C16orf96: variants seen among roughly 807,000 people sequenced by gnomAD.
C16orf96 encodes the protein uncharacterized protein C16orf96.
A neutral mutation model predicts 103.6 loss-of-function variants in C16orf96; 108 were observed. The ratio of observed to expected loss-of-function variants is 1.04; its 90% CI spans 0.89 to 1.22. The LOEUF (loss-of-function observed/expected upper bound fraction) is 1.22. C16orf96 is among the 50% of genes most tolerant of loss of function. The probability of loss-of-function intolerance (pLI) is 0.00; values close to 1 mark genes in which losing one functional copy is unlikely to be tolerated. For missense variants in C16orf96, 1,586 were observed against 1,464.2 expected (o/e 1.08, Z -1.36); for synonymous variants, 566 against 593.5 (o/e 0.95, Z 0.67).
In C16orf96 at chr16:4,593,358, G is replaced by A. The variant is rs1211956938; in HGVS notation, c.2867+42G>A. 2.0e-6 allele frequency: 3 copies of A among 1,518,980 alleles called. No individual in the cohort carries two copies. In the African/African-American group the frequency reaches 4.1e-5, roughly 21 times the overall value. The allele number at this position is 1,518,980 out of a possible 1,614,324, so 94.1% of individuals were successfully genotyped here. A position where few individuals can be genotyped will look rare whatever the true frequency, so the allele number is the denominator to read the frequency against. ...CCCCGCAGGGAGGCCGCCCCGCATG[G>A]AGGCCACTCTGGAGCCTGGGAACCC... On this transcript the variant is annotated intron_variant, in intron 12 of 15. Transcript: ENST00000444310. The surrounding 1 kb of genome is among the most constrained non-coding windows in gnomAD (Gnocchi z 4.2).
chr16:4,556,339 C>A, upstream of C16orf96: 1 of 732,914 alleles, frequency 1.4e-6, no homozygotes, highest in South Asian at 2.3e-5. Context: ...GAGCTCCAGC[C>A]AGAACAGAGG....
chr16:4,575,216 C>T lies in C16orf96; in HGVS notation c.736C>T (p.Gln246Ter). The T allele has an allele frequency of 6.5e-7, 1 of 1,547,488 alleles. No homozygotes were observed. The highest frequency in any genetic ancestry group is 1.4e-5 in the African/African-American group (1 of 73,174). The change falls in exon 5 of 16, where the codon CAG (glutamine) becomes TAG (stop). Residue 246 changes from glutamine (Q) to a stop codon, truncating the protein, a stop_gained. Coordinates refer to ENST00000444310, the MANE Select transcript of C16orf96 (RefSeq NM_001145011.2). LOFTEE classifies it high-confidence loss of function. ...SPLDLWQSVE[Q>*]LPEAALAQTT... ...ACTGGACCTGTGGCAGTCTGTAGAG[C>T]AGCTCCCAGAGGCTGCCCTGGCCCA...
upstream of C16orf96, among the ~76,000 whole-genome samples, chr16:4,553,581 G>C (rs1344208316): frequency 2.6e-5 from 4 of 152,048 alleles, no homozygotes. Flanking sequence ...GGGCTCAAGC[G>C]ATCTGCCTGC....
Position 4,591,759 on chromosome 16 carries a change from C to T in C16orf96, c.2686C>T (p.Pro896Ser). The stretch of plus-strand genomic sequence containing the variant: ...GCTGATTGAGGGCTTAAGACTGGAT[C>T]CTGACAGTGCTGCTGGCTTTAGGAG... Reference protein sequence around the residue: ...KLLIEGLRLDPDSAAGFRRKL... With the variant: ...KLLIEGLRLDSDSAAGFRRKL... The change falls in exon 10 of 16, where the codon CCT (proline) becomes TCT (serine). Residue 896 changes from proline to serine, a missense_variant. Pro to Ser is a moderately conservative substitution (Grantham distance 74, BLOSUM62 -1). Coordinates refer to ENST00000444310, the MANE Select transcript of C16orf96 (RefSeq NM_001145011.2). The T allele has an allele frequency of 5.2e-6, 8 of 1,551,640 alleles. No individual in the cohort carries two copies. The highest frequency in any genetic ancestry group is 7.0e-6 in the Non-Finnish European group (8 of 1,146,980).
Position 4,575,918 on chromosome 16 carries a change from A to C in C16orf96, c.1438A>C (p.Lys480Gln), listed in dbSNP as rs540009621. 37 of 1,551,378 alleles carry C rather than the reference A, an allele frequency of 2.4e-5. No individual in the cohort carries two copies. Among genetic ancestry groups the C allele is most frequent in the Admixed American group, 7.8e-5 (4 of 50,964 alleles). The part of the protein sequence containing the change: ...RERARKDGAP[K>Q]DRTRKDGVPK... ...GAGGGCCCGCAAGGATGGGGCCCCC[A>C]AGGATAGAACTCGCAAGGATGGGGT... Residue 480 changes from lysine (K) to glutamine (Q), a missense_variant, in exon 5 of 16, where the codon AAG becomes CAG. By Grantham distance (53) the Lys-to-Gln change is moderately conservative. Transcript: ENST00000444310.
the C16orf96 span, among the ~76,000 whole-genome samples, chr16:4,547,993 G>C: frequency 2.6e-5 from 4 of 151,984 alleles, no homozygotes; most frequent in Non-Finnish European, 4.4e-5. Flanking sequence ...CATGGTGTTT[G>C]CAACTATCTG....
At position 4,600,499 on chromosome 16, in the gene C16orf96, A is replaced by C. The variant is rs944904643; in HGVS notation, c.*182A>C. The stretch of plus-strand genomic sequence containing the variant: ...GGCTGAGGCTCATGCGCCCCCCCCC[A>C]TCCCTACCAAGTCCCCTCCACGTCC... On this transcript the variant is annotated 3_prime_UTR_variant, in exon 16 of 16. Transcript: ENST00000444310. 2.9e-4 allele frequency: 99 copies of C among 339,400 alleles called. 1 individual carries two copies. Among genetic ancestry groups the C allele is most frequent in the African/African-American group, 2.6e-3 (33 of 12,546 alleles). 21.0% of individuals were successfully genotyped at this position (339,400 alleles called of 1,614,324 possible).
the C16orf96 span, among the ~76,000 whole-genome samples, chr16:4,544,432 C>G: frequency 6.6e-6 from 1 of 152,102 alleles, no homozygotes; most frequent in African/African-American, 2.4e-5. Context: ...ATGGCAAAAC[C>G]CGGTATCTAC....
the C16orf96 span, among the ~76,000 whole-genome samples, chr16:4,543,371 C>T: frequency 2.0e-5 from 3 of 151,974 alleles, no homozygotes; most frequent in Admixed American, 2.0e-4. Context: ...AACATGAGGG[C>T]CTTATAGACC....
chr16:4,545,192 G>T, the C16orf96 span, among the ~76,000 whole-genome samples: 1 of 152,092 alleles, frequency 6.6e-6, no homozygotes, highest in East Asian at 1.9e-4. Context: ...TTGGACTTCT[G>T]TATCTGTCTT....
At chr16:4,544,194 G>C in the C16orf96 span, among the ~76,000 whole-genome samples, 3 of 152,224 alleles carry the variant, frequency 2.0e-5, no homozygotes, top group Non-Finnish European at 4.4e-5. Flanking sequence ...AAAACTTGCT[G>C]ATCTCTGGAG....
intron 10 of C16orf96, 66 bp downstream of exon 10, chr16:4,591,850 G>A: frequency 8.1e-7 from 1 of 1,230,548 alleles, no homozygotes; most frequent in Non-Finnish European, 1.2e-6. Context: ...AACACACCCT[G>A]GAAGCTCTGG....
Position 4,558,663 on chromosome 16 carries a change from C to G in C16orf96, c.420+1754C>G, listed in dbSNP as rs572072700. Among the ~76,000 whole-genome samples, 17 of 151,966 alleles carry G rather than the reference C, an allele frequency of 1.1e-4. 1 individual carries two copies. In the South Asian group the frequency reaches 3.1e-3, roughly 28 times the overall value. On this transcript the variant is annotated intron_variant, in intron 1 of 15. Coordinates refer to ENST00000444310, the MANE Select transcript of C16orf96 (RefSeq NM_001145011.2). ...GGCACAGTGGCGCACACCTGTAATC[C>G]CAGCATTTCGGGAGGCCAAGGTGGG...
rs1186579480 is a variant in C16orf96 at position 4,593,556 on chromosome 16, A to G, written c.2867+240A>G. On this transcript the variant is annotated intron_variant, in intron 12 of 15. Transcript: ENST00000444310. The surrounding 1 kb of genome is among the most constrained non-coding windows in gnomAD (Gnocchi z 4.2). ...ACTGCACATCTATTGTGGGCCAGGA[A>G]CTGTTAGACGGTTTCTTATTTAAAT... Among the ~76,000 whole-genome samples, 1 of 151,054 alleles carries G rather than the reference A, an allele frequency of 6.6e-6. No individual in the cohort carries two copies. Among genetic ancestry groups the G allele is most frequent in the Non-Finnish European group, 1.5e-5 (1 of 67,872 alleles).
chr16:4,576,315 C>T lies in C16orf96; in HGVS notation c.1835C>T (p.Ala612Val). Reference sequence around the variant, plus strand: ...ATGGCCGCCATTGCAACAGACACGGCTGCAGCTGGGCCCCTAGGGGTCTTT... The same window carrying T: ...ATGGCCGCCATTGCAACAGACACGGTTGCAGCTGGGCCCCTAGGGGTCTTT... ...TKMAAIATDT[A>V]AAGPLGVFAD... The change falls in exon 5 of 16, where the codon GCT (alanine) becomes GTT (valine). Residue 612 changes from alanine to valine, a missense_variant. Coordinates refer to ENST00000444310, the MANE Select transcript of C16orf96 (RefSeq NM_001145011.2). 6.4e-7 allele frequency: 1 copy of T among 1,550,780 alleles called. No homozygotes were observed. The highest frequency in any genetic ancestry group is 8.7e-7 in the Non-Finnish European group (1 of 1,146,996).
intron 5 of C16orf96, among the ~76,000 whole-genome samples, chr16:4,577,590 G>A (rs796343687): frequency 3.3e-5 from 5 of 151,536 alleles, no homozygotes; most frequent in African/African-American, 1.2e-4. Context: ...GGCGAAGCTT[G>A]CAGTGAGCCG....
At chr16:4,552,159 T>C (rs1282019445), upstream of C16orf96, among the ~76,000 whole-genome samples, 3 of 152,048 alleles carry the variant, frequency 2.0e-5, no homozygotes, top group Admixed American at 2.0e-4. Flanking sequence ...ATGAACCCTT[T>C]TATGTATGTA....
chr16:4,578,851 A>C lies in C16orf96; in HGVS notation c.2156-89A>C, dbSNP rs2059546185. Reference sequence around the variant, plus strand: ...CATTTCCACTGGGCAGTGCTGCCTGAGATGCTCCATAAGAGAAGCAGCTAG... The same window carrying C: ...CATTTCCACTGGGCAGTGCTGCCTGCGATGCTCCATAAGAGAAGCAGCTAG... On this transcript the variant is annotated intron_variant, in intron 5 of 15. Transcript: ENST00000444310. 3 of 938,198 alleles carry C rather than the reference A, an allele frequency of 3.2e-6. No homozygotes were observed. The South Asian group carries it at 4.4e-5, about 14-fold the overall frequency. The allele number at this position is 938,198 out of a possible 1,614,324, so 58.1% of individuals were successfully genotyped here.
At chr16:4,557,601 A>C (rs755901420) in intron 1 of C16orf96, among the ~76,000 whole-genome samples, 3 of 152,126 alleles carry the variant, frequency 2.0e-5, no homozygotes, top group Non-Finnish European at 4.4e-5. Flanking sequence ...TAGTTATACA[A>C]CCTCACTGAT....
Sources: gnomAD v4.1 joint callset for allele counts (sites outside exome capture counted in the v4.1 genomes callset) on GRCh38, gnomAD v4.1.1 for gene constraint, Gnocchi (gnomAD v3.1) non-coding constraint, MANE v1.5 for transcripts, NCBI Gene and HGNC (gene_info 2026-07-23, HGNC 2026-07-21) for gene names.